FRMPD3: variants seen among roughly 807,000 people sequenced by gnomAD.
FRMPD3 encodes the protein FERM and PDZ domain containing 3, also known as FERM and PDZ domain-containing protein 3.
Under a neutral mutation model 97.9 loss-of-function variants are expected in FRMPD3, and 42 were observed. The ratio of observed to expected loss-of-function variants is 0.43; its 90% CI spans 0.34 to 0.55. The LOEUF (loss-of-function observed/expected upper bound fraction) is 0.55, where lower values mean the gene tolerates loss of function less well. Among genes scored for constraint, FRMPD3 ranks in the 20% least tolerant of loss-of-function variants. The probability of loss-of-function intolerance (pLI) is 0.03; values close to 1 mark genes in which losing one functional copy is unlikely to be tolerated. For synonymous variants in FRMPD3, 577 were observed against 581.1 expected (o/e 0.99, Z 0.10); for missense variants, 1,303 against 1,457.7 (o/e 0.89, Z 1.73).
At chrX:107,476,914 C>G (rs998593082) in intron 1 of FRMPD3, among the ~76,000 whole-genome samples, 2 of 112,438 alleles carry the variant, frequency 1.8e-5, no homozygotes, top group Admixed American at 1.9e-4. Context: ...TCAGCTCAGT[C>G]CCTTCCCTCA....
rs763089229 is a variant in FRMPD3, at chrX:107,601,799, C to T, written c.3760C>T (p.Leu1254=). The T allele has an allele frequency of 9.9e-6, 12 of 1,211,067 alleles. No individual in the cohort carries two copies. Among genetic ancestry groups the T allele is most frequent in the Non-Finnish European group, 1.3e-5 (12 of 895,423 alleles). The change falls in exon 15 of 15, where the codon CTA becomes TTA. Residue 1254 remains leucine (L), a synonymous_variant. Coordinates refer to ENST00000683843, the MANE Select transcript of FRMPD3 (RefSeq NM_001388459.1). ...TGAACTGGAGTTCCTTGAGGAACTTCTAAAGCCACCAAGCCAGGGGGAGCT... is the reference window on the plus strand; with the variant it reads ...TGAACTGGAGTTCCTTGAGGAACTTTTAAAGCCACCAAGCCAGGGGGAGCT... ...QYELEFLEEL[L]KPPSQGELPG...
Position 107,482,019 on chromosome X carries a change from G to C in FRMPD3, c.-8+32014G>C, listed in dbSNP as rs150580637. Among the ~76,000 whole-genome samples the C allele has an allele frequency of 4.1e-3, 462 of 111,827 alleles. 2 individuals carry two copies. Among genetic ancestry groups the C allele is most frequent in the Non-Finnish European group, 7.3e-3 (389 of 53,138 alleles). On this transcript the variant is annotated intron_variant, in intron 1 of 14. Transcript: ENST00000683843. ...TAATTAGTCCAGGTAGAGCCCCCAAGTCCCAGTCCAGTCCTTTTTTATAAA... is the reference window on the plus strand; with the variant it reads ...TAATTAGTCCAGGTAGAGCCCCCAACTCCCAGTCCAGTCCTTTTTTATAAA...
intron 1 of FRMPD3, among the ~76,000 whole-genome samples, chrX:107,482,533 C>T (rs963298714): frequency 9.0e-6 from 1 of 111,360 alleles, no homozygotes; most frequent in African/African-American, 3.3e-5. Context: ...CCACATGATC[C>T]TCTGTTGGGT....
intron 12 of FRMPD3, among the ~76,000 whole-genome samples, chrX:107,573,917 T>C (rs1383910879): frequency 8.9e-6 from 1 of 112,035 alleles, no homozygotes; most frequent in Non-Finnish European, 1.9e-5. Flanking sequence ...GCAGACACCC[T>C]GATGGAGAAG....
chrX:107,551,592 A>T (rs1391655594), intron 6 of FRMPD3, among the ~76,000 whole-genome samples: 1 of 111,760 alleles, frequency 8.9e-6, no homozygotes, highest in Non-Finnish European at 1.9e-5. Context: ...CTCGCTTGTG[A>T]TCTCAATCTG....
rs1425312280 is a variant in FRMPD3, at chrX:107,544,405, C to T, written c.298-1332C>T. ...TACCCTCACTACTCCCACTCTAACTCACTCATTCTCTTGTGTAGTCCTTTA... is the reference window on the plus strand; with the variant it reads ...TACCCTCACTACTCCCACTCTAACTTACTCATTCTCTTGTGTAGTCCTTTA... On this transcript the variant is annotated intron_variant, in intron 4 of 14. Coordinates refer to ENST00000683843, the MANE Select transcript of FRMPD3 (RefSeq NM_001388459.1). Among the ~76,000 whole-genome samples the T allele has an allele frequency of 2.7e-5, 3 of 112,087 alleles. No homozygotes were observed. The Admixed American group carries it at 2.8e-4, about 11-fold the overall frequency.
intron 8 of FRMPD3, among the ~76,000 whole-genome samples, chrX:107,560,028 C>G (rs998763853): frequency 2.8e-4 from 30 of 106,592 alleles, no homozygotes; most frequent in Non-Finnish European, 1.7e-4. Flanking sequence ...CATTGTGTGC[C>G]CCTGTCACTG....
intron 8 of FRMPD3, chrX:107,554,794 A>G: frequency 3.5e-6 from 1 of 282,955 alleles, no homozygotes. Context: ...CTAAAGTTTA[A>G]CAAGCCCATT....
chrX:107,477,487 A>G (rs1452395368), intron 1 of FRMPD3, among the ~76,000 whole-genome samples: 1 of 112,676 alleles, frequency 8.9e-6, no homozygotes. Flanking sequence ...GGGTAATGAT[A>G]AACTATGAAT....
chrX:107,511,596 G>C (rs1274293369), intron 1 of FRMPD3, among the ~76,000 whole-genome samples: 1 of 112,953 alleles, frequency 8.9e-6, no homozygotes, highest in African/African-American at 3.2e-5. Flanking sequence ...CAGCTGAGTA[G>C]GCCCACATTT....
chrX:107,503,460 G>C (rs1921961875), intron 1 of FRMPD3, among the ~76,000 whole-genome samples: 1 of 112,370 alleles, frequency 8.9e-6, no homozygotes, highest in Non-Finnish European at 1.9e-5. Flanking sequence ...GTAAGAGCTG[G>C]GATGAGCAGC....
At chrX:107,554,360 C>T in intron 7 of FRMPD3, 25 bp from the exon 8 acceptor site, 1 of 1,199,956 alleles carries the variant, frequency 8.3e-7, no homozygotes, top group Non-Finnish European at 1.1e-6. Context: ...CTCTTTTCTT[C>T]TCCCCTTTCA....
rs1924694630 is a variant in FRMPD3 at position 107,604,012 on chromosome X, C to G, written c.*639C>G. Reference sequence around the variant, plus strand: ...CACCTCCAGGTCCAGTAGCTCCACACCAGCCATCCCCAAAGTGCCCTGCCC... The same window carrying G: ...CACCTCCAGGTCCAGTAGCTCCACAGCAGCCATCCCCAAAGTGCCCTGCCC... On this transcript the variant is annotated 3_prime_UTR_variant, in exon 15 of 15. Coordinates refer to ENST00000683843, the MANE Select transcript of FRMPD3 (RefSeq NM_001388459.1). 9.1e-6 allele frequency: 1 copy of G among 110,469 alleles called. No individual in the cohort carries two copies. The highest frequency in any genetic ancestry group is 9.6e-5 in the Admixed American group (1 of 10,461). The allele number at this position is 110,469 out of a possible 1,213,427, so 9.1% of individuals were successfully genotyped here.
At position 107,512,045 on chromosome X, in the gene FRMPD3, ACACACACACACGCG is replaced by A. The variant is rs772310698; in HGVS notation, c.-7-14525_-7-14512del. ...TTTTTTTTTTGATCTCCTCTTTCAC[ACACACACACACGCG>A]CACACACACACACACTCACACTCAC... On this transcript the variant is annotated intron_variant, in intron 1 of 14. Transcript: ENST00000683843. Among the ~76,000 whole-genome samples the A allele has an allele frequency of 2.0e-3, 212 of 108,149 alleles. 1 individual carries two copies. The highest frequency in any genetic ancestry group is 3.1e-3 in the Non-Finnish European group (163 of 52,075). The allele number at this position is 108,149 out of a possible 115,157, so 93.9% of individuals were successfully genotyped here.
chrX:107,471,459 C>T (rs182689705), intron 1 of FRMPD3, among the ~76,000 whole-genome samples: 2 of 110,831 alleles, frequency 1.8e-5, no homozygotes, highest in African/African-American at 6.6e-5. Flanking sequence ...CACCCGCCAT[C>T]CCCCCAACAG....
At chrX:107,554,150 T>A (rs1921980485) in intron 7 of FRMPD3, among the ~76,000 whole-genome samples, 1 of 111,310 alleles carries the variant, frequency 9.0e-6, no homozygotes, top group Admixed American at 9.6e-5. Context: ...GGTCATGTCC[T>A]AGATAAGTGA....
intron 1 of FRMPD3, among the ~76,000 whole-genome samples, chrX:107,457,619 G>A (rs1276719577): frequency 8.9e-6 from 1 of 112,035 alleles, no homozygotes; most frequent in Non-Finnish European, 1.9e-5. Flanking sequence ...CAATATGGAG[G>A]CTGTGTGGAC....
intron 12 of FRMPD3, among the ~76,000 whole-genome samples, chrX:107,573,908 C>T (rs1923007382): frequency 8.9e-6 from 1 of 112,055 alleles, no homozygotes; most frequent in Admixed American, 9.5e-5. Context: ...GAGGTTAAAG[C>T]AGACACCCTG....
At position 107,597,898 on chromosome X, in the gene FRMPD3, C is replaced by T. The variant is rs771640206; in HGVS notation, c.2019C>T (p.Phe673=). The change falls in exon 14 of 15, where the codon TTC becomes TTT. Residue 673 remains phenylalanine, a synonymous_variant. Transcript: ENST00000683843. ...CCATTGCTGCCCCACCCCCTGGTTT[C>T]CGAGACAACAGCTCTGATGAGGATG... The part of the protein sequence containing the change: ...LPAIAAPPPG[F]RDNSSDEDDP... 1.7e-6 allele frequency: 2 copies of T among 1,207,945 alleles called. No homozygotes were observed. Among genetic ancestry groups the T allele is most frequent in the African/African-American group, 3.5e-5 (2 of 57,099 alleles).
Sources: gnomAD v4.1 joint callset for allele counts (sites outside exome capture counted in the v4.1 genomes callset) on GRCh38, gnomAD v4.1.1 for gene constraint, MANE v1.5 for transcripts, NCBI Gene and HGNC (gene_info 2026-07-23, HGNC 2026-07-21) for gene names.